Variants in CSGALNACT1 observed in about 807,000 individuals in gnomAD.
The protein encoded by CSGALNACT1 is chondroitin sulfate N-acetylgalactosaminyltransferase 1.
A neutral mutation model predicts 51.0 loss-of-function variants in CSGALNACT1; 52 were observed. The ratio of observed to expected loss-of-function variants is 1.02; its 90% CI spans 0.82 to 1.29. The LOEUF (loss-of-function observed/expected upper bound fraction) is 1.29, where lower values mean the gene tolerates loss of function less well. Among genes scored for constraint, CSGALNACT1 ranks in the 50% most tolerant of loss-of-function variants. The pLI is 0.00. For synonymous variants in CSGALNACT1, 341 were observed against 254.4 expected (o/e 1.34, Z -3.24); for missense variants, 935 against 679.2 (o/e 1.38, Z -4.19).
intron 3 of CSGALNACT1, among the ~76,000 whole-genome samples, chr8:19,587,122 A>C (rs1212207299): frequency 6.6e-6 from 1 of 152,208 alleles, no homozygotes. Flanking sequence ...CTGCAGGACC[A>C]AAAACAGCAA....
intron 3 of CSGALNACT1, among the ~76,000 whole-genome samples, chr8:19,584,799 A>G (rs1475635533): frequency 1.3e-5 from 2 of 152,172 alleles, no homozygotes; most frequent in Non-Finnish European, 2.9e-5. Flanking sequence ...GTTATAAAGC[A>G]TCTCTTTATG....
chr8:19,729,990 C>CT (rs2063603594), intron 1 of CSGALNACT1, among the ~76,000 whole-genome samples: 4 of 152,152 alleles, frequency 2.6e-5, no homozygotes, highest in African/African-American at 9.7e-5. Context: ...CTGATGTCAC[C>CT]TGCCATTCCA....
At chr8:19,558,417 C>T (rs1018863706) in intron 3 of CSGALNACT1, among the ~76,000 whole-genome samples, 11 of 152,132 alleles carry the variant, frequency 7.2e-5, no homozygotes, top group Non-Finnish European at 1.6e-4. Context: ...TTCTTCTTTA[C>T]AGTTAGGGAT....
intron 6 of CSGALNACT1, among the ~76,000 whole-genome samples, chr8:19,429,783 A>G (rs906159099): frequency 6.6e-6 from 1 of 152,200 alleles, no homozygotes; most frequent in Non-Finnish European, 1.5e-5. Context: ...ACTACGTTTA[A>G]CCATGTAAGG....
At chr8:19,456,064 T>C (rs2064023087) in intron 5 of CSGALNACT1, among the ~76,000 whole-genome samples, 1 of 152,238 alleles carries the variant, frequency 6.6e-6, no homozygotes, top group Admixed American at 6.5e-5. Context: ...TGTGTTCTTT[T>C]AAAACATTAA....
intron 1 of CSGALNACT1, among the ~76,000 whole-genome samples, chr8:19,695,362 A>G (rs1394126498): frequency 6.6e-6 from 1 of 152,166 alleles, no homozygotes; most frequent in African/African-American, 2.4e-5. Flanking sequence ...AGCAAATTTT[A>G]GCCTGTGGGT....
At chr8:19,581,054 A>C (rs1176125361) in intron 3 of CSGALNACT1, among the ~76,000 whole-genome samples, 2 of 152,210 alleles carry the variant, frequency 1.3e-5, no homozygotes, top group Admixed American at 1.3e-4. Context: ...CCAAGAGGAA[A>C]AGAGAATAAT....
At chr8:19,525,788 A>G (rs1384743055) in intron 3 of CSGALNACT1, among the ~76,000 whole-genome samples, 1 of 151,872 alleles carries the variant, frequency 6.6e-6, no homozygotes, top group Non-Finnish European at 1.5e-5. Context: ...CAGAGGCACA[A>G]CCTCTGAACT....
rs551661899 is a variant in CSGALNACT1 at position 19,515,179 on chromosome 8, G to A, written c.-296-9049C>T. On this transcript the variant is annotated intron_variant, in intron 3 of 9. Transcript: ENST00000454498. ...TCAGGTCCCTAGCACCTGCTGTCAG[G>A]CCATGTCCTTTCCTGCCTCTGGACC... 1.1e-3 allele frequency among the ~76,000 whole-genome samples: 174 copies of A among 151,688 alleles called. 3 individuals are homozygous for A. The highest frequency in any genetic ancestry group is 4.0e-3 in the African/African-American group (164 of 41,412).
intron 3 of CSGALNACT1, among the ~76,000 whole-genome samples, chr8:19,575,381 AT>A (rs1349911514): frequency 6.6e-6 from 1 of 152,246 alleles, no homozygotes; most frequent in East Asian, 1.9e-4. Context: ...CCTATTAAGT[AT>A]TCTTGCCTAA....
intron 1 of CSGALNACT1, among the ~76,000 whole-genome samples, chr8:19,675,135 C>T (rs1192829924): frequency 6.6e-6 from 1 of 152,180 alleles, no homozygotes. Flanking sequence ...TATTTAAAGT[C>T]ATGGAGCTAT....
chr8:19,416,751 G>T (rs544661733), intron 8 of CSGALNACT1, among the ~76,000 whole-genome samples: 2 of 152,324 alleles, frequency 1.3e-5, no homozygotes, highest in African/African-American at 4.8e-5. Context: ...AGTTGGCTAT[G>T]TTATGTAGGA....
At chr8:19,408,718 G>T in intron 8 of CSGALNACT1, 24 bp from the exon 8 acceptor site, 1 of 1,609,788 alleles carries the variant, frequency 6.2e-7, no homozygotes, top group Non-Finnish European at 8.5e-7. Flanking sequence ...ACTGTCATTT[G>T]AGGGGAAAGT....
intron 1 of CSGALNACT1, among the ~76,000 whole-genome samples, chr8:19,657,213 G>C (rs151263492): frequency 6.8e-6 from 1 of 146,276 alleles, no homozygotes; most frequent in East Asian, 2.0e-4. Flanking sequence ...GAATAAACCA[G>C]AGAAAGACAC....
At position 19,618,637 on chromosome 8, in the gene CSGALNACT1, AAAAAAAAAAAAAAAAAAAAG is replaced by A. The variant is rs2053381084; in HGVS notation, c.-543-16792_-543-16773del. 3.0e-5 allele frequency among the ~76,000 whole-genome samples: 4 copies of A among 131,702 alleles called. No individual in the cohort carries two copies. In the South Asian group the frequency reaches 8.7e-4, roughly 29 times the overall value. 86.4% of individuals were successfully genotyped at this position (131,702 alleles called of 152,430 possible). ...ACAGAGGAATACTCCATCAAAAAAAAAAAAAAAAAAAAAAAAAAAGAAAGAAAGAAAGAAAGAAAGAGAAA... is the reference window on the plus strand; with the variant it reads ...ACAGAGGAATACTCCATCAAAAAAAAAAAGAAAGAAAGAAAGAAAGAGAAA... On this transcript the variant is annotated intron_variant, in intron 1 of 9. Coordinates refer to the CSGALNACT1 transcript ENST00000332246.
At chr8:19,661,286 C>T (rs2058724025) in intron 1 of CSGALNACT1, among the ~76,000 whole-genome samples, 1 of 152,162 alleles carries the variant, frequency 6.6e-6, no homozygotes, top group Non-Finnish European at 1.5e-5. Flanking sequence ...CTTGCAATGG[C>T]CTGGAAACTG....
upstream of CSGALNACT1, among the ~76,000 whole-genome samples, chr8:19,686,533 G>T (rs2060987714): frequency 6.6e-6 from 1 of 151,664 alleles, no homozygotes; most frequent in South Asian, 2.1e-4. Flanking sequence ...CTGTGCCTAG[G>T]CAGAGCCAAT....
chr8:19,458,636 T>G, exon 5 of CSGALNACT1: 2 of 1,614,102 alleles, frequency 1.2e-6, no homozygotes, highest in Non-Finnish European at 1.7e-6. Context: ...TTCTGTTCGG[T>G]AGATCCCTGT....
At chr8:19,471,653 T>C (rs2068206190) in intron 4 of CSGALNACT1, among the ~76,000 whole-genome samples, 1 of 152,060 alleles carries the variant, frequency 6.6e-6, no homozygotes, top group Non-Finnish European at 1.5e-5. Context: ...ACAGAGGGGT[T>C]ACATTATGGG....
Sources: allele counts gnomAD v4.1 joint callset (sites outside exome capture counted in the v4.1 genomes callset), GRCh38; gene constraint gnomAD v4.1.1; transcripts MANE v1.5; gene names NCBI Gene and HGNC (gene_info 2026-07-23, HGNC 2026-07-21).